Variants in GLRA2 observed in about 807,000 individuals in gnomAD.
The protein encoded by GLRA2 is glycine receptor subunit alpha-2.
A neutral mutation model predicts 31.6 loss-of-function variants in GLRA2; 11 were observed. The ratio of observed to expected loss-of-function variants is 0.35; its 90% CI spans 0.22 to 0.58. The LOEUF is 0.58. Among genes scored for constraint, GLRA2 ranks in the 20% least tolerant of loss-of-function variants. The pLI is 0.84. For synonymous variants in GLRA2, 132 were observed against 134.0 expected (o/e 0.99, Z 0.10); for missense variants, 212 against 351.8 (o/e 0.60, Z 3.18).
chrX:14,541,915 G>GA (rs1429693206), intron 2 of GLRA2, among the ~76,000 whole-genome samples: 2 of 111,134 alleles, frequency 1.8e-5, no homozygotes, highest in Non-Finnish European at 3.8e-5. Context: ...CAACCAACCA[G>GA]ATGTGTTTCT....
rs756425049 is a variant in GLRA2 at position 14,693,060 on chromosome X, AAG to A, written c.1080+2204_1080+2205del. Among the ~76,000 whole-genome samples the A allele has an allele frequency of 2.7e-3, 277 of 104,123 alleles. 1 individual carries two copies. The highest frequency in any genetic ancestry group is 8.8e-3 in the African/African-American group (258 of 29,327). 90.4% of individuals were successfully genotyped at this position (104,123 alleles called of 115,157 possible). A position where few individuals can be genotyped will look rare whatever the true frequency, so the allele number is the denominator to read the frequency against. On this transcript the variant is annotated intron_variant, in intron 8 of 8. Coordinates refer to ENST00000218075, the MANE Select transcript of GLRA2 (RefSeq NM_002063.4). ...AGTATAATAACAAAAAAAAAAAAGA[AAG>A]AGGGAATGCAGAACCAGACAGACAA...
intron 2 of GLRA2, among the ~76,000 whole-genome samples, chrX:14,564,957 C>A (rs1330479961): frequency 9.3e-6 from 1 of 108,068 alleles, no homozygotes; most frequent in East Asian, 2.9e-4. Flanking sequence ...AAAAAATCAA[C>A]TAAACATAAA....
At chrX:14,645,471 G>A (rs751384423) in intron 7 of GLRA2, among the ~76,000 whole-genome samples, 17 of 111,659 alleles carry the variant, frequency 1.5e-4, no homozygotes, top group African/African-American at 5.5e-4. Context: ...AGAAAATTAT[G>A]GAGAAATGAC....
the GLRA2 span, among the ~76,000 whole-genome samples, chrX:14,456,568 C>T: frequency 9.0e-6 from 1 of 111,695 alleles, no homozygotes; most frequent in Admixed American, 9.5e-5. Flanking sequence ...TCTGCGAGAT[C>T]AACTTTTTTA....
the GLRA2 span, among the ~76,000 whole-genome samples, chrX:14,479,144 C>T: frequency 8.2e-5 from 9 of 109,867 alleles, no homozygotes; most frequent in Non-Finnish European, 1.7e-4. Flanking sequence ...GAGAATGTAA[C>T]ACTGAACTGT....
chrX:14,707,903 C>G (rs761456480), intron 8 of GLRA2, among the ~76,000 whole-genome samples: 1 of 111,078 alleles, frequency 9.0e-6, no homozygotes, highest in Non-Finnish European at 1.9e-5. Context: ...TATGTATACA[C>G]TGTGAAATAA....
intron 2 of GLRA2, among the ~76,000 whole-genome samples, chrX:14,573,891 T>A (rs774173910): frequency 2.8e-4 from 31 of 110,468 alleles, no homozygotes; most frequent in Non-Finnish European, 5.9e-4. Context: ...TTAAAGAATG[T>A]CATACAAAAG....
intron 7 of GLRA2, among the ~76,000 whole-genome samples, chrX:14,688,334 A>G (rs760179657): frequency 9.0e-6 from 1 of 111,611 alleles, no homozygotes; most frequent in East Asian, 2.8e-4. Context: ...AAGCTGTCAG[A>G]CAGGGACATT....
At chrX:14,554,349 G>A (rs1279026175) in intron 2 of GLRA2, among the ~76,000 whole-genome samples, 1 of 111,892 alleles carries the variant, frequency 8.9e-6, no homozygotes, top group East Asian at 2.8e-4. Flanking sequence ...GGTGCAGAAT[G>A]CCTAAGGAAG....
intron 8 of GLRA2, among the ~76,000 whole-genome samples, chrX:14,722,781 G>A (rs1245345126): frequency 9.0e-6 from 1 of 111,069 alleles, no homozygotes. Context: ...AATGAGTGTA[G>A]GGGATCCCAC....
intron 7 of GLRA2, among the ~76,000 whole-genome samples, chrX:14,609,866 G>A (rs1452908252): frequency 9.0e-6 from 1 of 111,495 alleles, no homozygotes; most frequent in Non-Finnish European, 1.9e-5. Context: ...AGGAGTGTGG[G>A]ATCGATATCA....
chrX:14,505,171 C>G, the GLRA2 span, among the ~76,000 whole-genome samples: 1 of 111,930 alleles, frequency 8.9e-6, no homozygotes, highest in Non-Finnish European at 1.9e-5. Flanking sequence ...GGTCAGGAAA[C>G]AGAAATTAGG....
intron 8 of GLRA2, among the ~76,000 whole-genome samples, chrX:14,725,050 T>A (rs1411803430): frequency 8.9e-6 from 1 of 111,803 alleles, no homozygotes; most frequent in Non-Finnish European, 1.9e-5. Flanking sequence ...TGGATTTGAA[T>A]CTCAGCTTCA....
intron 2 of GLRA2, among the ~76,000 whole-genome samples, chrX:14,557,915 A>G (rs1359224296): frequency 1.8e-5 from 2 of 112,319 alleles, no homozygotes; most frequent in African/African-American, 3.2e-5. Flanking sequence ...TGATGGCTAC[A>G]TGGGTTTTCC....
At chrX:14,567,487 TAAC>T (rs2089822800) in intron 2 of GLRA2, among the ~76,000 whole-genome samples, 1 of 111,803 alleles carries the variant, frequency 8.9e-6, no homozygotes, top group Admixed American at 9.5e-5. Flanking sequence ...AACTCACAAT[TAAC>T]AACATGATCC....
chrX:14,465,406 A>G, the GLRA2 span, among the ~76,000 whole-genome samples: 3 of 112,145 alleles, frequency 2.7e-5, no homozygotes, highest in Non-Finnish European at 3.8e-5. Flanking sequence ...AACAGAGACA[A>G]TTCGACTTCT....
chrX:14,704,324 C>T (rs2091589581), intron 8 of GLRA2, among the ~76,000 whole-genome samples: 1 of 112,442 alleles, frequency 8.9e-6, no homozygotes, highest in Non-Finnish European at 1.9e-5. Context: ...GAACCTTCTT[C>T]TTTCACTATC....
chrX:14,472,544 A>G, the GLRA2 span, among the ~76,000 whole-genome samples: 1 of 110,633 alleles, frequency 9.0e-6, no homozygotes, highest in South Asian at 3.9e-4. Flanking sequence ...AACCTCTTTT[A>G]GGCCCCAGTG....
chrX:14,683,082 G>A (rs2091233503), intron 7 of GLRA2, among the ~76,000 whole-genome samples: 1 of 111,700 alleles, frequency 9.0e-6, no homozygotes, highest in African/African-American at 3.3e-5. Context: ...GGGGTGGCTG[G>A]GTCAAATGGT....
Sources: allele counts gnomAD v4.1 joint callset (sites outside exome capture counted in the v4.1 genomes callset), GRCh38; gene constraint gnomAD v4.1.1; transcripts MANE v1.5; gene names NCBI Gene and HGNC (gene_info 2026-07-23, HGNC 2026-07-21).